The following ANKRD30BL variants were observed in gnomAD, a reference collection of about 807,000 sequenced individuals.
ANKRD30BL encodes the protein putative ankyrin repeat domain-containing protein 30B-like.
A neutral mutation model predicts 18.4 loss-of-function variants in ANKRD30BL; 20 were observed. The observed-to-expected ratio is 1.09, with a 90% CI of 0.77 to 1.58. The LOEUF is 1.58. ANKRD30BL is among the 40% of genes most tolerant of loss of function. The pLI is 0.00. For synonymous variants in ANKRD30BL, 72 were observed against 100.9 expected (o/e 0.71, Z 1.72); for missense variants, 224 against 268.6 (o/e 0.83, Z 1.16).
At chr2:132,216,895 G>A (rs1030998224) in intron 1 of ANKRD30BL, among the ~76,000 whole-genome samples, 3 of 151,604 alleles carry the variant, frequency 2.0e-5, no homozygotes, top group Non-Finnish European at 2.9e-5. Context: ...GGACTGCTTC[G>A]AGGCATTCGT....
At chr2:132,185,171 T>C (rs1486991515) in intron 1 of ANKRD30BL, among the ~76,000 whole-genome samples, 2 of 152,182 alleles carry the variant, frequency 1.3e-5, no homozygotes, top group East Asian at 3.8e-4. Context: ...CAACTCTCCT[T>C]CTCAAAACAT....
At chr2:132,199,069 C>A (rs1184337096) in intron 1 of ANKRD30BL, among the ~76,000 whole-genome samples, 1 of 152,108 alleles carries the variant, frequency 6.6e-6, no homozygotes, top group African/African-American at 2.4e-5. Context: ...TAATAGCTAG[C>A]AGCTGGGTGC....
chr2:132,153,669 G>A (rs1490296052), intron 4 of ANKRD30BL: 2 of 1,265,364 alleles, frequency 1.6e-6, no homozygotes, highest in Non-Finnish European at 1.1e-6. Context: ...GATGATCCAT[G>A]ACATATGGCA....
chr2:132,221,402 C>T (rs1175998478), intron 1 of ANKRD30BL, among the ~76,000 whole-genome samples: 4 of 131,184 alleles, frequency 3.0e-5, no homozygotes, highest in East Asian at 2.4e-4. Context: ...CCAGCCGCCC[C>T]GTCCGGGAGG....
At chr2:132,246,229 A>C (rs1033663902) in intron 1 of ANKRD30BL, among the ~76,000 whole-genome samples, 10 of 151,258 alleles carry the variant, frequency 6.6e-5, no homozygotes, top group Non-Finnish European at 1.5e-5. Context: ...GTTTTGCAAC[A>C]CTCTTTTTGT....
At chr2:132,252,961 C>A (rs1573898695) in intron 1 of ANKRD30BL, among the ~76,000 whole-genome samples, 1 of 152,200 alleles carries the variant, frequency 6.6e-6, no homozygotes, top group East Asian at 2.0e-4. Context: ...CGGGAGCCCC[C>A]CTTCCCCACG....
In ANKRD30BL at chr2:132,150,960, A is replaced by G. The variant is rs1207007545; in HGVS notation, c.631T>C (p.Leu211=). ...DKFKCVHQQL[L]EYKQKISKNS... The stretch of plus-strand genomic sequence containing the variant: ...TTAGATATCTTTTGTTTATATTCCA[A>G]AAGTTGTTGATGAACGCTATGTATA... The change falls in exon 5 of 6, where the codon TTG becomes CTG. Residue 211 remains leucine, a synonymous_variant. Transcript: ENST00000409867. 2.3e-4 allele frequency: 144 copies of G among 615,520 alleles called. 2 individuals carry two copies. In the East Asian group the frequency reaches 4.4e-3, roughly 19 times the overall value. 38.1% of individuals were successfully genotyped at this position (615,520 alleles called of 1,614,324 possible).
At chr2:132,201,164 AAATGTT>A (rs1300808636) in intron 1 of ANKRD30BL, among the ~76,000 whole-genome samples, 1 of 152,194 alleles carries the variant, frequency 6.6e-6, no homozygotes, top group Non-Finnish European at 1.5e-5. Flanking sequence ...TTAAAGACTT[AAATGTT>A]AGACCTAAAA....
At chr2:132,187,180 T>G (rs1224502271) in intron 1 of ANKRD30BL, among the ~76,000 whole-genome samples, 1,548 of 140,870 alleles carry the variant, frequency 0.011, 41 homozygotes, top group African/African-American at 0.04. Context: ...TTGTTTTTTT[T>G]TTTGTTTGTT....
At chr2:132,168,940 G>T (rs911653840) in intron 1 of ANKRD30BL, among the ~76,000 whole-genome samples, 1 of 150,990 alleles carries the variant, frequency 6.6e-6, no homozygotes, top group South Asian at 2.1e-4. Context: ...TTATGAAAGG[G>T]ATACATTTTC....
intron 1 of ANKRD30BL, among the ~76,000 whole-genome samples, chr2:132,167,568 C>A (rs1688211498): frequency 6.6e-6 from 1 of 152,086 alleles, no homozygotes; most frequent in South Asian, 2.1e-4. Context: ...CTTGGCATCC[C>A]AAAGTGCTGG....
intron 1 of ANKRD30BL, among the ~76,000 whole-genome samples, chr2:132,209,444 C>G (rs1193407403): frequency 6.6e-6 from 1 of 151,930 alleles, no homozygotes; most frequent in African/African-American, 2.4e-5. Context: ...AGCTTTGAAA[C>G]ACTCTTTTTG....
At chr2:132,253,908 G>C (rs1054642984) in intron 1 of ANKRD30BL, among the ~76,000 whole-genome samples, 1 of 152,084 alleles carries the variant, frequency 6.6e-6, no homozygotes, top group Non-Finnish European at 1.5e-5. Flanking sequence ...GTTTGGCAGA[G>C]GTGACGATGG....
At chr2:132,235,441 A>T (rs1308513561) in intron 1 of ANKRD30BL, among the ~76,000 whole-genome samples, 1 of 152,150 alleles carries the variant, frequency 6.6e-6, no homozygotes, top group Non-Finnish European at 1.5e-5. Context: ...AGAAAACCCC[A>T]TTGTCTCAGC....
intron 1 of ANKRD30BL, among the ~76,000 whole-genome samples, chr2:132,193,356 C>A (rs1193328476): frequency 6.6e-6 from 1 of 151,218 alleles, no homozygotes. Flanking sequence ...GTCTTTTGAC[C>A]TTGAATGACC....
chr2:132,167,956 T>C (rs1266217482), intron 1 of ANKRD30BL, among the ~76,000 whole-genome samples: 1 of 152,224 alleles, frequency 6.6e-6, no homozygotes, highest in African/African-American at 2.4e-5. Flanking sequence ...AGTTATCTTA[T>C]GGGTCAATAA....
At chr2:132,210,827 A>G (rs1436598672) in intron 1 of ANKRD30BL, among the ~76,000 whole-genome samples, 1 of 151,792 alleles carries the variant, frequency 6.6e-6, no homozygotes, top group Non-Finnish European at 1.5e-5. Flanking sequence ...TTTTTGTAGT[A>G]TCTGCAAGTG....
chr2:132,205,019 G>C (rs1423179067), intron 1 of ANKRD30BL, among the ~76,000 whole-genome samples: 1 of 152,218 alleles, frequency 6.6e-6, no homozygotes, highest in Non-Finnish European at 1.5e-5. Flanking sequence ...AAAGTGTGCA[G>C]AGCATTGTTA....
intron 1 of ANKRD30BL, among the ~76,000 whole-genome samples, chr2:132,220,296 C>A (rs1362769611): frequency 6.9e-6 from 1 of 144,046 alleles, no homozygotes. Context: ...CCCTCTCCCT[C>A]TCCCTGTCCC....
Sources: gnomAD v4.1 joint callset for allele counts (sites outside exome capture counted in the v4.1 genomes callset) on GRCh38, gnomAD v4.1.1 for gene constraint, MANE v1.5 for transcripts, NCBI Gene and HGNC (gene_info 2026-07-23, HGNC 2026-07-21) for gene names.